The following AKAP19 variants were observed in gnomAD, a reference collection of about 807,000 sequenced individuals.
The protein encoded by AKAP19 is A-kinase anchoring protein 19, also known as small A-kinase anchoring protein.
the AKAP19 span, among the ~76,000 whole-genome samples, chr2:190,101,211 G>A: frequency 1.3e-5 from 2 of 152,184 alleles, no homozygotes; most frequent in Non-Finnish European, 2.9e-5. Flanking sequence ...GTGAGATAGG[G>A]GCCTCCACAG....
chr2:190,121,892 T>G, the AKAP19 span, among the ~76,000 whole-genome samples: 1 of 152,186 alleles, frequency 6.6e-6, no homozygotes, highest in African/African-American at 2.4e-5. Context: ...TTTTGTGTTT[T>G]TTTGTTTGTT....
the AKAP19 span, among the ~76,000 whole-genome samples, chr2:190,036,097 G>T: frequency 6.6e-6 from 1 of 152,154 alleles, no homozygotes; most frequent in Non-Finnish European, 1.5e-5. Context: ...TTAAATTTCT[G>T]TAAAAATTAG....
At chr2:190,108,881 T>C in the AKAP19 span, among the ~76,000 whole-genome samples, 1 of 151,896 alleles carries the variant, frequency 6.6e-6, no homozygotes. Flanking sequence ...TAAAAAACCT[T>C]AAACAGAAGA....
the AKAP19 span, among the ~76,000 whole-genome samples, chr2:190,192,842 TTA>T: frequency 7.2e-5 from 11 of 152,304 alleles, no homozygotes; most frequent in African/African-American, 2.6e-4. Context: ...AAATTACTTT[TTA>T]TATGTCACTT....
the AKAP19 span, among the ~76,000 whole-genome samples, chr2:190,114,735 C>G: frequency 3.3e-5 from 5 of 152,212 alleles, no homozygotes; most frequent in Admixed American, 6.5e-5. Flanking sequence ...GGATTACAGG[C>G]TTGAGCCACC....
At chr2:190,142,782 G>A in the AKAP19 span, among the ~76,000 whole-genome samples, 1 of 152,200 alleles carries the variant, frequency 6.6e-6, no homozygotes, top group Non-Finnish European at 1.5e-5. Context: ...CATCGCAAGA[G>A]TGAATTCAAG....
the AKAP19 span, among the ~76,000 whole-genome samples, chr2:190,084,879 T>G: frequency 1.3e-5 from 2 of 152,268 alleles, no homozygotes; most frequent in African/African-American, 4.8e-5. Flanking sequence ...ATGGAGGGAA[T>G]GCTGCCTCTG....
the AKAP19 span, among the ~76,000 whole-genome samples, chr2:190,137,575 T>C: frequency 6.6e-6 from 1 of 152,238 alleles, no homozygotes; most frequent in Non-Finnish European, 1.5e-5. Flanking sequence ...TAGCATGGTT[T>C]ACTGTCCCTG....
At chr2:189,911,899 T>G in the AKAP19 span, among the ~76,000 whole-genome samples, 4 of 152,120 alleles carry the variant, frequency 2.6e-5, no homozygotes, top group African/African-American at 9.6e-5. Context: ...TTTTTTTTTC[T>G]ATAGTTACCT....
chr2:190,088,661 CTT>C, the AKAP19 span, among the ~76,000 whole-genome samples: 4 of 152,132 alleles, frequency 2.6e-5, no homozygotes, highest in African/African-American at 4.8e-5. Flanking sequence ...GAAATTCTCT[CTT>C]CGGCAAAATT....
the AKAP19 span, among the ~76,000 whole-genome samples, chr2:190,026,912 G>A: frequency 6.7e-4 from 102 of 152,102 alleles, no homozygotes; most frequent in Non-Finnish European, 1.3e-3. Flanking sequence ...ACCAGTTCTT[G>A]CACACTGGCA....
At chr2:190,004,266 A>G in the AKAP19 span, among the ~76,000 whole-genome samples, 1 of 150,072 alleles carries the variant, frequency 6.7e-6, no homozygotes, top group Non-Finnish European at 1.5e-5. Flanking sequence ...TAAAACTTAA[A>G]GTATAATAAT....
chr2:189,962,098 A>G, the AKAP19 span, among the ~76,000 whole-genome samples: 1 of 152,220 alleles, frequency 6.6e-6, no homozygotes, highest in South Asian at 2.1e-4. Flanking sequence ...TCAACAATGA[A>G]CAGCATATAT....
chr2:189,916,094 T>TA, the AKAP19 span, among the ~76,000 whole-genome samples: 2 of 152,064 alleles, frequency 1.3e-5, no homozygotes, highest in African/African-American at 4.8e-5. Flanking sequence ...TGAAGTCTTT[T>TA]AAAAAATAAA....
chr2:190,111,371 C>T, the AKAP19 span, among the ~76,000 whole-genome samples: 1 of 152,090 alleles, frequency 6.6e-6, no homozygotes, highest in Non-Finnish European at 1.5e-5. Context: ...CTGACTGGTA[C>T]ATCATCTCAA....
chr2:190,116,007 G>T, the AKAP19 span, among the ~76,000 whole-genome samples: 1 of 152,142 alleles, frequency 6.6e-6, no homozygotes, highest in South Asian at 2.1e-4. Flanking sequence ...GTCCTGTTTT[G>T]CACAGCTATA....
At chr2:190,035,229 G>A in the AKAP19 span, among the ~76,000 whole-genome samples, 841 of 152,032 alleles carry the variant, frequency 5.5e-3, 3 homozygotes, top group Non-Finnish European at 8.1e-3. Flanking sequence ...TCAGGAGTTC[G>A]AGACCAGCCT....
chr2:190,096,608 ACT>A, the AKAP19 span, among the ~76,000 whole-genome samples: 1 of 151,986 alleles, frequency 6.6e-6, no homozygotes, highest in Non-Finnish European at 1.5e-5. Context: ...GCTATCATTG[ACT>A]CTGCTCTCAT....
the AKAP19 span, among the ~76,000 whole-genome samples, chr2:190,063,491 G>C: frequency 6.2e-3 from 944 of 152,188 alleles, 11 homozygotes; most frequent in African/African-American, 0.022. Context: ...ATGCCAGCTA[G>C]TAGAAAAATC....
Sources: gnomAD v4.1 joint callset for allele counts (sites outside exome capture counted in the v4.1 genomes callset) on GRCh38, gnomAD v4.1.1 for gene constraint, MANE v1.5 for transcripts, NCBI Gene and HGNC (gene_info 2026-07-23, HGNC 2026-07-21) for gene names.